The following ZPBP2 variants were observed in gnomAD, a reference collection of about 807,000 sequenced individuals.
The protein encoded by ZPBP2 is zona pellucida binding protein 2, also known as zona pellucida-binding protein 2.
ZPBP2 carries 34 observed loss-of-function variants against 37.5 expected under a neutral mutation model. The ratio of observed to expected loss-of-function variants is 0.91; its 90% CI spans 0.69 to 1.21. The LOEUF (loss-of-function observed/expected upper bound fraction) is 1.21. ZPBP2 is among the 50% of genes most tolerant of loss of function. ZPBP2 has a pLI of 0.00. For synonymous variants in ZPBP2, 143 were observed against 138.4 expected (o/e 1.03, Z -0.23); for missense variants, 397 against 413.5 (o/e 0.96, Z 0.35).
rs1359978042 is a variant in ZPBP2 at position 39,868,382 on chromosome 17, G to A, written c.28G>A (p.Ala10Thr). The A allele has an allele frequency of 8.7e-6, 14 of 1,610,292 alleles. No individual in the cohort carries two copies. Among genetic ancestry groups the A allele is most frequent in the East Asian group, 2.2e-5 (1 of 44,858 alleles). ...GATGCGAACGTGCGTCCTACTCTCC[G>A]CGGTGCTCTGGTGCCTCACAGGAGG... is the stretch of plus-strand genomic sequence containing the variant. MMRTCVLLS[A>T]VLWCLTGVQC... Residue 10 changes from alanine (A) to threonine (T), a missense_variant, in exon 1 of 8, where the codon GCG (alanine) becomes ACG (threonine). Physicochemically the swap from Ala to Thr is moderately conservative, Grantham distance 58. Coordinates refer to ENST00000348931, the MANE Select transcript of ZPBP2 (RefSeq NM_199321.3).
chr17:39,876,114 C>T (rs917538824), intron 7 of ZPBP2, among the ~76,000 whole-genome samples: 2 of 151,844 alleles, frequency 1.3e-5, no homozygotes, highest in African/African-American at 2.4e-5. Context: ...GACAGAGTTT[C>T]GCCCTGTTGC....
chr17:39,868,443 T>C, intron 1 of ZPBP2, 37 bp downstream of exon 1: 1 of 1,611,816 alleles, frequency 6.2e-7, no homozygotes, highest in East Asian at 2.2e-5. Flanking sequence ...GGCCTCTCCC[T>C]CTGCCCGAGC....
Position 39,872,276 on chromosome 17 carries a change from G to A in ZPBP2, c.413G>A (p.Arg138Gln), listed in dbSNP as rs200919183. The stretch of plus-strand genomic sequence containing the variant: ...CTTTCTTTTTTTTTTAAAGCCTATC[G>A]GGAACCTGATTATTCATATCAGATG... Reference protein sequence around the residue: ...KRYDFMVFAYREPDYSYQMAV... With the variant: ...KRYDFMVFAYQEPDYSYQMAV... Residue 138 changes from arginine to glutamine, a missense_variant, in exon 5 of 8, where the codon CGG (arginine) becomes CAG (glutamine). Physicochemically the swap from Arg to Gln is conservative, Grantham distance 43 (BLOSUM62 1). Transcript: ENST00000348931. The A allele has an allele frequency of 6.9e-6, 11 of 1,583,594 alleles. No individual in the cohort carries two copies. The highest frequency in any genetic ancestry group is 1.9e-5 in the Admixed American group (1 of 53,304).
chr17:39,876,683 G>A lies in ZPBP2; in HGVS notation c.891G>A (p.Val297=). Residue 297 remains valine, a splice_region_variant and synonymous_variant, in exon 8 of 8, where the codon GTG becomes GTA. Coordinates refer to ENST00000348931, the MANE Select transcript of ZPBP2 (RefSeq NM_199321.3). ...TACTCCCTGTGTTTTCCTCTGCAGT[G>A]GTTTGTAGTCCTGCGACTTTTAGTC... The part of the protein sequence containing the change: ...RLHSNCASCC[V]VCSPATFSPD... 1 of 1,613,632 alleles carries A rather than the reference G, an allele frequency of 6.2e-7. No homozygotes were observed. The highest frequency in any genetic ancestry group is 8.5e-7 in the Non-Finnish European group (1 of 1,179,768).
intron 6 of ZPBP2, 126 bp from the exon 7 acceptor site, chr17:39,875,128 C>A: frequency 1.2e-6 from 1 of 841,806 alleles, no homozygotes; most frequent in East Asian, 2.6e-5. Context: ...TTAACACACA[C>A]CTTTTCAGGA....
At chr17:39,871,068 T>C (rs763451216) in intron 3 of ZPBP2, among the ~76,000 whole-genome samples, 1 of 152,110 alleles carries the variant, frequency 6.6e-6, no homozygotes, top group Non-Finnish European at 1.5e-5. Context: ...AACCTAAAAT[T>C]TATCATTGTA....
At chr17:39,875,883 CTTTTTTTTT>C (rs34192567) in intron 7 of ZPBP2, among the ~76,000 whole-genome samples, 6 of 63,776 alleles carry the variant, frequency 9.4e-5, no homozygotes, top group Admixed American at 1.9e-4. Context: ...TGCTTGGCCC[CTTTTTTTTT>C]TTTTTTTTTT....
chr17:39,870,549 G>A lies in ZPBP2; in HGVS notation c.119-145G>A, dbSNP rs2063360074. On this transcript the variant is annotated intron_variant, in intron 2 of 7. Transcript: ENST00000348931. ...GAGAAGCAAAAAGGACTTCAGACGA[G>A]CGTTCTAAATGTTATATATTGATTT... 3 of 423,538 alleles carry A rather than the reference G, an allele frequency of 7.1e-6. No individual in the cohort carries two copies. The South Asian group carries it at 3.0e-4, about 42-fold the overall frequency. 26.2% of individuals were successfully genotyped at this position (423,538 alleles called of 1,614,324 possible).
chr17:39,875,069 C>T (rs2144645767), intron 6 of ZPBP2, among the ~76,000 whole-genome samples, 185 bp from the exon 7 acceptor site: 1 of 152,326 alleles, frequency 6.6e-6, no homozygotes, highest in South Asian at 2.1e-4. Context: ...AACCATTGCA[C>T]ATATTAATTG....
Position 39,871,548 on chromosome 17 carries a change from C to G in ZPBP2, c.329C>G (p.Thr110Ser). The G allele has an allele frequency of 6.2e-7, 1 of 1,609,120 alleles. No homozygotes were observed. The highest frequency in any genetic ancestry group is 8.5e-7 in the Non-Finnish European group (1 of 1,177,752). ...LEPLSGLYTC[T>S]LSYKTVKAET... is the part of the protein sequence containing the mutation. ...CCTTTGTCTGGACTTTACACATGTACTCTTTCTTATAAGACTGTTAAAGCA... is the reference window on the plus strand; with the variant it reads ...CCTTTGTCTGGACTTTACACATGTAGTCTTTCTTATAAGACTGTTAAAGCA... The change falls in exon 4 of 8, where the codon ACT (threonine) becomes AGT (serine). Residue 110 changes from threonine (T) to serine (S), a missense_variant. Coordinates refer to ENST00000348931, the MANE Select transcript of ZPBP2 (RefSeq NM_199321.3).
intron 6 of ZPBP2, among the ~76,000 whole-genome samples, chr17:39,873,327 G>A (rs866208128): frequency 5.9e-5 from 9 of 152,044 alleles, no homozygotes; most frequent in South Asian, 2.1e-4. Flanking sequence ...TAAATACTTC[G>A]TTATATTGAA....
rs751906686 is a variant in ZPBP2, at chr17:39,873,137, C to A, written c.708+11C>A. ...CATAATATCCTCCAGGTGAGAATTT[C>A]ATGGTAAGGAAGAAGTATTTGTCTT... is the stretch of plus-strand genomic sequence containing the variant. On this transcript the variant is annotated intron_variant, in intron 6 of 7. Coordinates refer to ENST00000348931, the MANE Select transcript of ZPBP2 (RefSeq NM_199321.3). 5 of 1,602,498 alleles carry A rather than the reference C, an allele frequency of 3.1e-6. No individual in the cohort carries two copies. The highest frequency in any genetic ancestry group is 1.3e-5 in the African/African-American group (1 of 74,158).
intron 7 of ZPBP2, 54 bp downstream of exon 7, chr17:39,875,488 T>G: frequency 7.7e-7 from 1 of 1,300,022 alleles, no homozygotes; most frequent in Non-Finnish European, 1.0e-6. Flanking sequence ...CAGAAGAATA[T>G]ATAAGTAATT....
chr17:39,869,179 G>T (rs919034596), intron 2 of ZPBP2, among the ~76,000 whole-genome samples: 1 of 152,114 alleles, frequency 6.6e-6, no homozygotes, highest in Non-Finnish European at 1.5e-5. Context: ...TATGAGCCTG[G>T]CATTCAGTAG....
At chr17:39,874,675 C>T (rs1271044454) in intron 6 of ZPBP2, among the ~76,000 whole-genome samples, 10 of 149,358 alleles carry the variant, frequency 6.7e-5, no homozygotes, top group Non-Finnish European at 1.2e-4. Context: ...TCAAGTGATC[C>T]GCCCACCTCT....
intron 6 of ZPBP2, 93 bp from the exon 7 acceptor site, chr17:39,875,161 A>C (rs1321119377): frequency 8.7e-7 from 1 of 1,150,168 alleles, no homozygotes; most frequent in Non-Finnish European, 1.2e-6. Context: ...TAAGTATGGC[A>C]TGCTTACAGT....
Position 39,868,634 on chromosome 17 carries a change from A to G in ZPBP2, c.118+20A>G. On this transcript the variant is annotated intron_variant, in intron 2 of 7. Transcript: ENST00000348931. ...AGCCAGGTAATAAGGGCCTCTGCAC[A>G]CGCGGGCCCATTGGAGGGGCCGGAA... The G allele has an allele frequency of 6.2e-7, 1 of 1,613,850 alleles. No homozygotes were observed. Among genetic ancestry groups the G allele is most frequent in the Non-Finnish European group, 8.5e-7 (1 of 1,179,782 alleles).
rs2144637281 is a variant in ZPBP2 at position 39,868,535 on chromosome 17, T to C, written c.53-14T>C. ...CTCTTCTAACTAAAAGTCAGTGTTTTATTTCCTCCGCAGTCCAATGCCCGC... is the reference window on the plus strand; with the variant it reads ...CTCTTCTAACTAAAAGTCAGTGTTTCATTTCCTCCGCAGTCCAATGCCCGC... On this transcript the variant is annotated splice_polypyrimidine_tract_variant and intron_variant, in intron 1 of 7. Transcript: ENST00000348931. 1.9e-6 allele frequency: 3 copies of C among 1,614,202 alleles called. No individual in the cohort carries two copies. The highest frequency in any genetic ancestry group is 1.6e-4 in the Middle Eastern group (1 of 6,062).
chr17:39,868,545 G>T lies in ZPBP2; in HGVS notation c.53-4G>T. ...TAAAAGTCAGTGTTTTATTTCCTCC[G>T]CAGTCCAATGCCCGCGTTTTACCTT... On this transcript the variant is annotated splice_polypyrimidine_tract_variant and splice_region_variant and intron_variant, in intron 1 of 7. Transcript: ENST00000348931. The T allele has an allele frequency of 6.2e-7, 1 of 1,614,012 alleles. No homozygotes were observed. The highest frequency in any genetic ancestry group is 1.1e-5 in the South Asian group (1 of 91,088).
Sources: gnomAD v4.1 joint callset for allele counts (sites outside exome capture counted in the v4.1 genomes callset) on GRCh38, gnomAD v4.1.1 for gene constraint, MANE v1.5 for transcripts, NCBI Gene and HGNC (gene_info 2026-07-23, HGNC 2026-07-21) for gene names.